MIPOL1: variants seen among roughly 807,000 people sequenced by gnomAD.
The protein encoded by MIPOL1 is mirror-image polydactyly 1.
Under a neutral mutation model 60.9 loss-of-function variants are expected in MIPOL1, and 57 were observed. The ratio of observed to expected loss-of-function variants is 0.94; its 90% CI spans 0.76 to 1.17. The LOEUF (loss-of-function observed/expected upper bound fraction) is 1.17. MIPOL1 is among the 50% of genes most tolerant of loss of function. The pLI is 0.00. For missense variants in MIPOL1, 551 were observed against 511.6 expected (o/e 1.08, Z -0.74); for synonymous variants, 179 against 168.8 (o/e 1.06, Z -0.47).
At chr14:37,353,497 G>C (rs1035427840) in intron 9 of MIPOL1, among the ~76,000 whole-genome samples, 1 of 152,048 alleles carries the variant, frequency 6.6e-6, no homozygotes, top group Non-Finnish European at 1.5e-5. Context: ...GTTCCTCATT[G>C]TACCTCTGGT....
At chr14:37,326,672 G>C (rs889043952) in intron 9 of MIPOL1, among the ~76,000 whole-genome samples, 3 of 152,136 alleles carry the variant, frequency 2.0e-5, no homozygotes, top group Non-Finnish European at 4.4e-5. Context: ...CCATGTTGCC[G>C]AGCCCTTGCA....
chr14:37,369,457 G>A, intron 9 of MIPOL1, 60 bp from the exon 10 acceptor site: 3 of 1,192,528 alleles, frequency 2.5e-6, no homozygotes, highest in Non-Finnish European at 3.7e-6. Flanking sequence ...TAATTCATGT[G>A]GCTTGGTGAA....
At chr14:37,476,247 A>G (rs1594585378) in intron 11 of MIPOL1, among the ~76,000 whole-genome samples, 2 of 152,198 alleles carry the variant, frequency 1.3e-5, no homozygotes, top group African/African-American at 4.8e-5. Flanking sequence ...CAATCTTACT[A>G]TAATCACTAA....
intron 11 of MIPOL1, among the ~76,000 whole-genome samples, chr14:37,497,137 A>G (rs1041601453): frequency 6.6e-6 from 1 of 152,298 alleles, no homozygotes; most frequent in Middle Eastern, 3.4e-3. Context: ...TTATACAAAA[A>G]TCAATTCAAG....
chr14:37,239,394 T>C (rs1295628699), intron 1 of MIPOL1, among the ~76,000 whole-genome samples: 1 of 152,188 alleles, frequency 6.6e-6, no homozygotes, highest in Non-Finnish European at 1.5e-5. Context: ...ACTGTATTAG[T>C]ATTAATTTTA....
chr14:37,336,525 C>T (rs940559155), intron 9 of MIPOL1, among the ~76,000 whole-genome samples: 1 of 151,240 alleles, frequency 6.6e-6, no homozygotes, highest in Non-Finnish European at 1.5e-5. Flanking sequence ...ATTTCTTTTT[C>T]GTTCTTTCTT....
At chr14:37,544,871 ATAAGAGT>A (rs2095541808) in intron 12 of MIPOL1, among the ~76,000 whole-genome samples, 2 of 152,208 alleles carry the variant, frequency 1.3e-5, no homozygotes, top group African/African-American at 4.8e-5. Context: ...TTAACAACAT[ATAAGAGT>A]TCTAAATGGA....
intron 10 of MIPOL1, among the ~76,000 whole-genome samples, chr14:37,415,807 G>C (rs1199242138): frequency 6.6e-6 from 1 of 151,956 alleles, no homozygotes; most frequent in Non-Finnish European, 1.5e-5. Flanking sequence ...CTACATAATA[G>C]AATAGTAATA....
intron 9 of MIPOL1, among the ~76,000 whole-genome samples, chr14:37,322,288 G>A (rs1326209358): frequency 6.6e-6 from 1 of 151,982 alleles, no homozygotes; most frequent in Non-Finnish European, 1.5e-5. Context: ...CCACGATCAA[G>A]ATGCAGAACA....
intron 8 of MIPOL1, 79 bp from the exon 9 acceptor site, chr14:37,308,270 G>A: frequency 2.4e-6 from 3 of 1,262,024 alleles, no homozygotes; most frequent in Non-Finnish European, 3.2e-6. Context: ...CAATTCACAT[G>A]TGCCTATTAA....
chr14:37,342,303 G>A (rs2090627956), intron 9 of MIPOL1, among the ~76,000 whole-genome samples: 1 of 151,970 alleles, frequency 6.6e-6, no homozygotes, highest in Non-Finnish European at 1.5e-5. Context: ...GGAGGTTGCA[G>A]TGAGCTGAGA....
intron 9 of MIPOL1, among the ~76,000 whole-genome samples, chr14:37,360,386 A>G (rs2092154122): frequency 6.6e-6 from 1 of 152,168 alleles, no homozygotes; most frequent in Non-Finnish European, 1.5e-5. Context: ...ATAGTTTCAG[A>G]AGGAATGGTA....
At chr14:37,319,889 AG>A (rs1382728805) in intron 9 of MIPOL1, among the ~76,000 whole-genome samples, 1 of 152,156 alleles carries the variant, frequency 6.6e-6, no homozygotes, top group East Asian at 1.9e-4. Flanking sequence ...TTCATATAAA[AG>A]GAGTCATATG....
intron 1 of MIPOL1, among the ~76,000 whole-genome samples, chr14:37,244,710 T>C (rs1423674878): frequency 1.3e-5 from 2 of 152,166 alleles, no homozygotes; most frequent in Non-Finnish European, 2.9e-5. Context: ...AGAAACCCAA[T>C]TTATCTGATT....
intron 1 of MIPOL1, among the ~76,000 whole-genome samples, chr14:37,204,962 T>G (rs1184279370): frequency 6.6e-6 from 1 of 152,184 alleles, no homozygotes; most frequent in Non-Finnish European, 1.5e-5. Context: ...AAATCTAGGC[T>G]GAGGTGGTCT....
At chr14:37,499,129 CTT>C (rs2095176114) in intron 11 of MIPOL1, among the ~76,000 whole-genome samples, 1 of 151,948 alleles carries the variant, frequency 6.6e-6, no homozygotes, top group Non-Finnish European at 1.5e-5. Flanking sequence ...TTCAAAATGT[CTT>C]TATTTAATTG....
In MIPOL1 at chr14:37,285,263, A is replaced by G. The variant is rs551298286; in HGVS notation, c.494-55A>G. On this transcript the variant is annotated intron_variant, in intron 6 of 12. Coordinates refer to ENST00000684589, the MANE Select transcript of MIPOL1 (RefSeq NM_001388067.1). ...TATGGCTTTTATTTTTGCTAAAGGT[A>G]TACATTTGTCCTTTATTTTGTATGA... 13 of 1,597,160 alleles carry G rather than the reference A, an allele frequency of 8.1e-6. No homozygotes were observed. In the South Asian group the frequency reaches 8.9e-5, roughly 11 times the overall value.
At chr14:37,327,250 A>T (rs999537597) in intron 9 of MIPOL1, among the ~76,000 whole-genome samples, 2 of 152,190 alleles carry the variant, frequency 1.3e-5, no homozygotes, top group Non-Finnish European at 2.9e-5. Context: ...ATGGATTAGC[A>T]TGCAGTATCC....
At chr14:37,331,074 T>C (rs1439986628) in intron 9 of MIPOL1, among the ~76,000 whole-genome samples, 4 of 152,158 alleles carry the variant, frequency 2.6e-5, no homozygotes, top group African/African-American at 9.6e-5. Flanking sequence ...TTTTTTAGTC[T>C]ATCCTGTGGT....
Sources: allele counts gnomAD v4.1 joint callset (sites outside exome capture counted in the v4.1 genomes callset), GRCh38; gene constraint gnomAD v4.1.1; transcripts MANE v1.5; gene names NCBI Gene and HGNC (gene_info 2026-07-23, HGNC 2026-07-21).